Variants in N4BP2 observed in about 807,000 individuals in gnomAD.
N4BP2 encodes the protein NEDD4-binding protein 2.
N4BP2 carries 91 observed loss-of-function variants against 152.8 expected under a neutral mutation model. That is an observed-to-expected ratio of 0.60 (90% CI 0.50 to 0.71). The LOEUF (loss-of-function observed/expected upper bound fraction) is 0.71, where lower values mean the gene tolerates loss of function less well. N4BP2 is among the 30% of genes least tolerant of loss of function. The pLI, the probability that N4BP2 is intolerant of heterozygous loss-of-function variation, is 0.00. For synonymous variants in N4BP2, 646 were observed against 705.3 expected, an observed-to-expected ratio of 0.92 and a Z score of 1.33; for missense variants, 1,923 against 2,059.1, an observed-to-expected ratio of 0.93 and a Z score of 1.28.
chr4:40,086,436 C>T (rs1713962780), intron 2 of N4BP2, among the ~76,000 whole-genome samples: 1 of 151,964 alleles, frequency 6.6e-6, no homozygotes, highest in Admixed American at 6.6e-5. Context: ...CTCCTGGCTT[C>T]AATTGATTCT....
At chr4:40,147,001 T>G (rs1270015222) in intron 16 of N4BP2, among the ~76,000 whole-genome samples, 3 of 148,796 alleles carry the variant, frequency 2.0e-5, no homozygotes, top group Non-Finnish European at 4.5e-5. Context: ...GGAGGGAAGG[T>G]CAGCAGATAA....
intron 2 of N4BP2, among the ~76,000 whole-genome samples, chr4:40,086,962 T>G (rs1034048759): frequency 6.6e-6 from 1 of 152,000 alleles, no homozygotes; most frequent in Non-Finnish European, 1.5e-5. Flanking sequence ...GTGCCCAGGC[T>G]GGTTTCGAAC....
intron 11 of N4BP2, among the ~76,000 whole-genome samples, chr4:40,125,791 G>A (rs1718335330): frequency 6.6e-6 from 1 of 151,692 alleles, no homozygotes; most frequent in Non-Finnish European, 1.5e-5. Flanking sequence ...GGAGGCTGAG[G>A]CAGGAGAATT....
rs759633476 is a variant in N4BP2, at chr4:40,102,836, C to T, written c.991C>T (p.His331Tyr). 2.5e-6 allele frequency: 4 copies of T among 1,614,184 alleles called. No individual in the cohort carries two copies. In the Admixed American group the frequency reaches 6.7e-5, roughly 27 times the overall value. ...AGGGTTCAACTTCAAGCCACACAAACATCCTGAACTGCCAACTAAGGGGAA... is the reference window on the plus strand; with the variant it reads ...AGGGTTCAACTTCAAGCCACACAAATATCCTGAACTGCCAACTAAGGGGAA... Reference protein sequence around the residue: ...SEGFNFKPHKHPELPTKGKDV... With the variant: ...SEGFNFKPHKYPELPTKGKDV... Residue 331 changes from histidine to tyrosine, a missense_variant, in exon 4 of 18, where the codon CAT (histidine) becomes TAT (tyrosine). By Grantham distance (83) the His-to-Tyr change is moderately conservative. Coordinates refer to ENST00000261435, the MANE Select transcript of N4BP2 (RefSeq NM_018177.6).
In N4BP2 at chr4:40,120,504, G is replaced by A; in HGVS notation, c.2393G>A (p.Gly798Asp). The change falls in exon 9 of 18, where the codon GGT (glycine) becomes GAT (aspartate). Residue 798 changes from glycine (G) to aspartate (D), a missense_variant. Gly to Asp is a moderately conservative substitution (Grantham distance 94). Transcript: ENST00000261435. ...VGDWPVDKTI[G>D]QRTKRNRKTE... ...GACTGGCCAGTTGATAAGACTATTG[G>A]TCAGAGGACAAAAAGGAACAGAAAA... The A allele has an allele frequency of 6.2e-7, 1 of 1,613,554 alleles. No homozygotes were observed. The highest frequency in any genetic ancestry group is 8.5e-7 in the Non-Finnish European group (1 of 1,179,902).
chr4:40,123,317 G>T, intron 10 of N4BP2, 105 bp downstream of exon 10: 2 of 699,250 alleles, frequency 2.9e-6, no homozygotes, highest in Non-Finnish European at 2.4e-6. Context: ...TTGAATTTTG[G>T]CTTTGAGATG....
rs776787653 is a variant in N4BP2 at position 40,152,867 on chromosome 4, C to T, written c.5231C>T (p.Pro1744Leu). The T allele has an allele frequency of 2.5e-6, 4 of 1,614,000 alleles. No individual in the cohort carries two copies. Among genetic ancestry groups the T allele is most frequent in the South Asian group, 2.2e-5 (2 of 91,068 alleles). Residue 1744 changes from proline to leucine, a missense_variant, in exon 17 of 18, where the codon CCA becomes CTA. Pro to Leu is a moderately conservative substitution (Grantham distance 98). Coordinates refer to ENST00000261435, the MANE Select transcript of N4BP2 (RefSeq NM_018177.6). The stretch of plus-strand genomic sequence containing the variant: ...CAGGGAGGAGTTGCTCGCATCAAAC[C>T]AGCTGTCATTAAGTACCTCATAAGC... ...HSQGGVARIK[P>L]AVIKYLISHS...
intron 2 of N4BP2, among the ~76,000 whole-genome samples, chr4:40,094,449 C>T (rs147349956): frequency 1.3e-5 from 2 of 152,210 alleles, no homozygotes; most frequent in East Asian, 3.9e-4. Context: ...AAGTCTCCAC[C>T]TATAATTGTG....
At chr4:40,063,980 GC>G (rs2109886649) in intron 1 of N4BP2, among the ~76,000 whole-genome samples, 1 of 151,420 alleles carries the variant, frequency 6.6e-6, no homozygotes, top group African/African-American at 2.4e-5. Flanking sequence ...TGGTGGGGCG[GC>G]AGGGGGGGGT....
At chr4:40,084,369 A>G (rs949014721) in intron 2 of N4BP2, among the ~76,000 whole-genome samples, 2 of 151,960 alleles carry the variant, frequency 1.3e-5, no homozygotes, top group African/African-American at 2.4e-5. Context: ...TGAGATTGCA[A>G]TTACTATAGA....
chr4:40,164,700 A>G, the N4BP2 span, among the ~76,000 whole-genome samples: 1 of 152,182 alleles, frequency 6.6e-6, no homozygotes, highest in African/African-American at 2.4e-5. Context: ...AGTCATGAGA[A>G]ATGGAGTTTC....
chr4:40,176,336 G>A, the N4BP2 span, among the ~76,000 whole-genome samples: 1 of 152,086 alleles, frequency 6.6e-6, no homozygotes, highest in South Asian at 2.1e-4. Context: ...TTATTTTCCT[G>A]TTGTTGGACA....
chr4:40,060,602 ATTT>A (rs11302996), intron 1 of N4BP2, among the ~76,000 whole-genome samples: 33 of 134,848 alleles, frequency 2.4e-4, no homozygotes, highest in Admixed American at 4.5e-4. Flanking sequence ...AAGTAGCTAG[ATTT>A]TTTTTTTTTT....
Position 40,139,096 on chromosome 4 carries a change from T to C in N4BP2, c.4785+2014T>C, listed in dbSNP as rs368732246. Reference sequence around the variant, plus strand: ...TTTAATTTCCTTCAACAATGCACTATAGTTTTCAGAGTATAAATTTTACAC... The same window carrying C: ...TTTAATTTCCTTCAACAATGCACTACAGTTTTCAGAGTATAAATTTTACAC... On this transcript the variant is annotated intron_variant, in intron 14 of 17. Coordinates refer to ENST00000261435, the MANE Select transcript of N4BP2 (RefSeq NM_018177.6). 1.0e-3 allele frequency among the ~76,000 whole-genome samples: 153 copies of C among 152,344 alleles called. 3 individuals are homozygous for C. Among genetic ancestry groups the C allele is most frequent in the Middle Eastern group, 3.4e-3 (1 of 294 alleles).
chr4:40,087,983 C>G (rs771203311), intron 2 of N4BP2, among the ~76,000 whole-genome samples: 10 of 152,140 alleles, frequency 6.6e-5, no homozygotes, highest in Non-Finnish European at 1.5e-4. Flanking sequence ...GTCTCGAACT[C>G]CTGACCTCCG....
In N4BP2 at chr4:40,102,182, G is replaced by C. The variant is rs767091978; in HGVS notation, c.337G>C (p.Glu113Gln). The C allele has an allele frequency of 1.9e-6, 3 of 1,613,876 alleles. No individual in the cohort carries two copies. The South Asian group carries it at 3.3e-5, about 18-fold the overall frequency. ...VASENQVGAA[E>Q]SKIMEKRPEE... ...TTCTGAGAACCAAGTAGGTGCAGCA[G>C]AAAGTAAAATAATGGAAAAACGTCC... Residue 113 changes from glutamate to glutamine, a missense_variant, in exon 4 of 18, where the codon GAA (glutamate) becomes CAA (glutamine). Transcript: ENST00000261435.
intron 2 of N4BP2, among the ~76,000 whole-genome samples, chr4:40,081,933 A>G (rs1713406632): frequency 6.6e-6 from 1 of 151,598 alleles, no homozygotes; most frequent in Admixed American, 6.6e-5. Flanking sequence ...ACCAACATGG[A>G]GAAACCCCAT....
At chr4:40,058,570 C>T (rs1447432164) in intron 1 of N4BP2, among the ~76,000 whole-genome samples, 1 of 152,158 alleles carries the variant, frequency 6.6e-6, no homozygotes, top group East Asian at 1.9e-4. Flanking sequence ...TTGAAATCAG[C>T]ACGCAGTACG....
At chr4:40,124,234 C>T in intron 11 of N4BP2, 29 bp downstream of exon 11, 11 of 1,555,326 alleles carry the variant, frequency 7.1e-6, no homozygotes, top group Non-Finnish European at 9.7e-6. Flanking sequence ...TTTCTAATGT[C>T]TTAATGTTGA....
Sources: allele counts gnomAD v4.1 joint callset (sites outside exome capture counted in the v4.1 genomes callset), GRCh38; gene constraint gnomAD v4.1.1; transcripts MANE v1.5; gene names NCBI Gene and HGNC (gene_info 2026-07-23, HGNC 2026-07-21).